Variants in PKNOX2 observed in about 807,000 individuals in gnomAD.
The protein encoded by PKNOX2 is PBX/knotted 1 homeobox 2.
In PKNOX2, 14 loss-of-function variants were observed where a neutral mutation model predicts 53.1. The observed-to-expected ratio is 0.26, with a 90% CI of 0.17 to 0.41. The LOEUF (loss-of-function observed/expected upper bound fraction) is 0.41. PKNOX2 is among the 10% of genes least tolerant of loss of function. The probability of loss-of-function intolerance (pLI) is 1.00; values close to 1 mark genes in which losing one functional copy is unlikely to be tolerated. For missense variants in PKNOX2, 496 were observed against 602.8 expected (o/e 0.82, Z 1.85); for synonymous variants, 257 against 242.8 (o/e 1.06, Z -0.54).
intron 2 of PKNOX2, among the ~76,000 whole-genome samples, chr11:125,285,880 C>G (rs1214185250): frequency 6.6e-6 from 1 of 152,238 alleles, no homozygotes; most frequent in Non-Finnish European, 1.5e-5. Context: ...TTTCCATCAC[C>G]TCTGTAGGGT....
chr11:125,209,922 A>G (rs959566508), intron 1 of PKNOX2, among the ~76,000 whole-genome samples: 3 of 151,996 alleles, frequency 2.0e-5, no homozygotes, highest in Non-Finnish European at 4.4e-5. Context: ...CTCTTGTTTT[A>G]TCACTGGTTC....
At chr11:125,297,082 A>G (rs533035042) in intron 2 of PKNOX2, among the ~76,000 whole-genome samples, 1 of 152,366 alleles carries the variant, frequency 6.6e-6, no homozygotes, top group Non-Finnish European at 1.5e-5. Flanking sequence ...AAAAGAAACT[A>G]ACATTTACAG....
chr11:125,264,107 A>G (rs1388100142), intron 2 of PKNOX2, among the ~76,000 whole-genome samples: 1 of 152,202 alleles, frequency 6.6e-6, no homozygotes, highest in Non-Finnish European at 1.5e-5. Context: ...AGTTGGTGCC[A>G]TCCCTGACAC....
At chr11:125,309,426 C>T (rs934516365) in intron 2 of PKNOX2, among the ~76,000 whole-genome samples, 2 of 148,054 alleles carry the variant, frequency 1.4e-5, no homozygotes, top group Non-Finnish European at 3.0e-5. Context: ...TCACTCTTGT[C>T]CCCCAGGCTT....
intron 2 of PKNOX2, among the ~76,000 whole-genome samples, chr11:125,306,406 G>T (rs901742180): frequency 2.0e-5 from 3 of 152,132 alleles, no homozygotes; most frequent in African/African-American, 7.2e-5. Flanking sequence ...CTACTCCCAG[G>T]CCCGCTTCTC....
At chr11:125,369,296 G>A (rs993095983) in intron 5 of PKNOX2, among the ~76,000 whole-genome samples, 3 of 152,320 alleles carry the variant, frequency 2.0e-5, no homozygotes, top group South Asian at 2.1e-4. Flanking sequence ...CACAGGCTAG[G>A]CCCAGCTGCC....
Position 125,397,938 on chromosome 11 carries a change from G to T in PKNOX2, c.464G>T (p.Cys155Phe). The T allele has an allele frequency of 6.2e-7, 1 of 1,614,104 alleles. No homozygotes were observed. Among genetic ancestry groups the T allele is most frequent in the Non-Finnish European group, 8.5e-7 (1 of 1,179,998 alleles). The change falls in exon 7 of 13, where the codon TGC (cysteine) becomes TTC (phenylalanine). Residue 155 changes from cysteine to phenylalanine, a missense_variant. Transcript: ENST00000298282. Reference protein sequence around the residue: ...LLELEKVNELCKDFCNRYITC... With the variant: ...LLELEKVNELFKDFCNRYITC... ...GAGCTGGAGAAAGTCAATGAACTCT[G>T]CAAGGACTTTTGTAACCGTTACATC... is the stretch of plus-strand genomic sequence containing the variant.
intron 1 of PKNOX2, among the ~76,000 whole-genome samples, chr11:125,185,517 T>C (rs1478835355): frequency 6.6e-6 from 1 of 152,196 alleles, no homozygotes. Flanking sequence ...GCAATAACTC[T>C]GCATTCTGCC....
At chr11:125,333,859 G>A (rs1340629279) in intron 3 of PKNOX2, among the ~76,000 whole-genome samples, 1 of 152,170 alleles carries the variant, frequency 6.6e-6, no homozygotes, top group Non-Finnish European at 1.5e-5. Context: ...GGCTGGGGTG[G>A]AGGGGGTAGC....
intron 3 of PKNOX2, among the ~76,000 whole-genome samples, chr11:125,350,515 T>C (rs551212523): frequency 1.3e-5 from 2 of 152,274 alleles, no homozygotes; most frequent in African/African-American, 4.8e-5. Flanking sequence ...TGATAGCTCT[T>C]CTGGTATCCC....
chr11:125,328,467 C>T (rs995172739), intron 2 of PKNOX2, among the ~76,000 whole-genome samples: 5 of 152,012 alleles, frequency 3.3e-5, no homozygotes, highest in African/African-American at 1.2e-4. Context: ...AAGGTAGATT[C>T]TTAATATATG....
At chr11:125,198,171 A>T (rs905431492) in intron 1 of PKNOX2, among the ~76,000 whole-genome samples, 10 of 152,154 alleles carry the variant, frequency 6.6e-5, no homozygotes, top group African/African-American at 2.4e-4. Context: ...CAGAAAAGAG[A>T]GCAGCAGAGG....
At chr11:125,430,912 G>C (rs139932264) in intron 12 of PKNOX2, among the ~76,000 whole-genome samples, 127 of 152,360 alleles carry the variant, frequency 8.3e-4, no homozygotes, top group Non-Finnish European at 1.4e-3. Context: ...AAAGTCAAAA[G>C]TGGCCAACAC....
intron 2 of PKNOX2, among the ~76,000 whole-genome samples, chr11:125,285,418 G>A (rs1050080732): frequency 6.6e-6 from 1 of 152,160 alleles, no homozygotes; most frequent in African/African-American, 2.4e-5. Context: ...TTGACAGTTA[G>A]GTTAAAGAGT....
chr11:125,262,285 G>C (rs556912930), intron 2 of PKNOX2, among the ~76,000 whole-genome samples: 3 of 152,184 alleles, frequency 2.0e-5, no homozygotes, highest in African/African-American at 7.2e-5. Flanking sequence ...CTCTGGAGAG[G>C]TGGGGACGAA....
At chr11:125,214,815 G>T (rs1019020876) in intron 1 of PKNOX2, among the ~76,000 whole-genome samples, 1 of 151,958 alleles carries the variant, frequency 6.6e-6, no homozygotes, top group African/African-American at 2.4e-5. Flanking sequence ...GATGTGGACA[G>T]CTCAGCCCCT....
chr11:125,191,290 T>C (rs918519726), intron 1 of PKNOX2: 2 of 152,200 alleles, frequency 1.3e-5, no homozygotes. Flanking sequence ...CAGGACACTC[T>C]CCAGTCACCA....
intron 2 of PKNOX2, among the ~76,000 whole-genome samples, chr11:125,255,536 C>T (rs1381697703): frequency 2.6e-5 from 4 of 152,194 alleles, no homozygotes; most frequent in East Asian, 1.9e-4. Context: ...CACTGGGGCT[C>T]ATTGCTGAAT....
intron 6 of PKNOX2, 66 bp from the exon 7 acceptor site, chr11:125,397,808 G>T: frequency 6.7e-7 from 1 of 1,496,206 alleles, no homozygotes; most frequent in Non-Finnish European, 9.1e-7. Flanking sequence ...GGTGGGGGCT[G>T]GGGGTCCAGG....
Sources: allele counts gnomAD v4.1 joint callset (sites outside exome capture counted in the v4.1 genomes callset), GRCh38; gene constraint gnomAD v4.1.1; transcripts MANE v1.5; gene names NCBI Gene and HGNC (gene_info 2026-07-23, HGNC 2026-07-21).